SPATA6L: variants seen among roughly 807,000 people sequenced by gnomAD.
SPATA6L encodes the protein spermatogenesis associated 6-like protein.
A neutral mutation model predicts 49.2 loss-of-function variants in SPATA6L; 68 were observed. The ratio of observed to expected loss-of-function variants is 1.38; its 90% confidence interval spans 1.14 to 1.69. The LOEUF (loss-of-function observed/expected upper bound fraction) is 1.69. Ranked by LOEUF, SPATA6L falls within the 40% of genes most tolerant of loss-of-function variation. SPATA6L has a pLI of 0.00. For missense variants in SPATA6L, 668 were observed against 464.3 expected (o/e 1.44, Z -4.03); for synonymous variants, 198 against 165.7 (o/e 1.19, Z -1.50).
At chr9:4,650,524 A>C (rs1278717344) in intron 3 of SPATA6L, among the ~76,000 whole-genome samples, 5 of 152,322 alleles carry the variant, frequency 3.3e-5, no homozygotes, top group African/African-American at 1.2e-4. Flanking sequence ...AATACATCTA[A>C]AAGTTGGTTG....
chr9:4,605,825 G>C (rs575601246), intron 9 of SPATA6L, among the ~76,000 whole-genome samples: 15 of 152,304 alleles, frequency 9.8e-5, no homozygotes, highest in Admixed American at 2.0e-4. Context: ...GGCCGAATAG[G>C]AACAGCTCCG....
At chr9:4,642,794 T>C (rs950392961) in intron 3 of SPATA6L, among the ~76,000 whole-genome samples, 7 of 127,676 alleles carry the variant, frequency 5.5e-5, no homozygotes, top group Non-Finnish European at 9.4e-5. Flanking sequence ...TTGAAAACAT[T>C]GTTAAAAATA....
At chr9:4,596,833 G>T (rs1381248717), downstream of SPATA6L, among the ~76,000 whole-genome samples, 2 of 152,154 alleles carry the variant, frequency 1.3e-5, no homozygotes, top group Non-Finnish European at 2.9e-5. Context: ...AGAACCTGAG[G>T]TTTGGAAACA....
intron 9 of SPATA6L, among the ~76,000 whole-genome samples, chr9:4,607,916 C>T (rs1352497709): frequency 1.1e-4 from 16 of 151,526 alleles, no homozygotes; most frequent in Non-Finnish European, 2.1e-4. Flanking sequence ...CGTGCAGAGA[C>T]ACACATAGGC....
chr9:4,596,919 G>T (rs1822306333), downstream of SPATA6L, among the ~76,000 whole-genome samples: 1 of 152,100 alleles, frequency 6.6e-6, no homozygotes, highest in Non-Finnish European at 1.5e-5. Context: ...GAAATAGGGG[G>T]AGCAATGCTT....
chr9:4,635,377 G>C lies in SPATA6L; in HGVS notation c.249C>G (p.Tyr83Ter). Reference protein sequence around the residue: ...LLEMWDELAYYEENTRDFLFP... With the variant: ...LLEMWDELAY ...AAAGAAAATCTCGTGTGTTTTCTTCGTAGTAGGCCAACTCATCCCACACTA... is the reference window on the plus strand; with the variant it reads ...AAAGAAAATCTCGTGTGTTTTCTTCCTAGTAGGCCAACTCATCCCACACTA... Residue 83 changes from tyrosine to a stop codon, truncating the protein, a stop_gained, in exon 4 of 12, where the codon TAC (tyrosine) becomes TAG (stop). Coordinates refer to ENST00000682582, the MANE Select transcript of SPATA6L (RefSeq NM_001353486.2). LOFTEE classifies it high-confidence loss of function. 1.3e-6 allele frequency: 2 copies of C among 1,591,446 alleles called. No individual in the cohort carries two copies. The highest frequency in any genetic ancestry group is 1.7e-6 in the Non-Finnish European group (2 of 1,172,226).
chr9:4,622,614 G>T, intron 6 of SPATA6L, 104 bp from the exon 7 acceptor site: 1 of 774,604 alleles, frequency 1.3e-6, no homozygotes. Context: ...GATTACACGG[G>T]TTGGAAAAAG....
In SPATA6L at chr9:4,631,162, G is replaced by A. The variant is rs148623418; in HGVS notation, c.352-1994C>T. On this transcript the variant is annotated intron_variant, in intron 4 of 11. Coordinates refer to ENST00000682582, the MANE Select transcript of SPATA6L (RefSeq NM_001353486.2). Reference sequence around the variant, plus strand: ...AAGAATGTATTTTCTTTTTCATACCGTGCTGTTTTTAGCATAACATTATAC... The same window carrying A: ...AAGAATGTATTTTCTTTTTCATACCATGCTGTTTTTAGCATAACATTATAC... Among the ~76,000 whole-genome samples, 30 of 152,182 alleles carry A rather than the reference G, an allele frequency of 2.0e-4. No homozygotes were observed. The East Asian group carries it at 2.9e-3, about 15-fold the overall frequency.
chr9:4,596,749 C>G (rs553963082), downstream of SPATA6L, among the ~76,000 whole-genome samples: 8 of 152,126 alleles, frequency 5.3e-5, no homozygotes, highest in South Asian at 1.7e-3. Flanking sequence ...TTTTTCAAAC[C>G]CTTTAAGTTG....
chr9:4,602,077 G>A (rs1586927443), intron 11 of SPATA6L, among the ~76,000 whole-genome samples: 1 of 152,050 alleles, frequency 6.6e-6, no homozygotes, highest in Admixed American at 6.5e-5. Context: ...CTAAGCGTAT[G>A]CCAAACTACT....
intron 4 of SPATA6L, among the ~76,000 whole-genome samples, chr9:4,630,462 T>A (rs1259951013): frequency 2.6e-5 from 4 of 152,124 alleles, no homozygotes; most frequent in African/African-American, 9.7e-5. Flanking sequence ...CAGTGGCCCC[T>A]CTGCATCACC....
chr9:4,632,636 A>C (rs577754282), intron 4 of SPATA6L, among the ~76,000 whole-genome samples: 2 of 151,998 alleles, frequency 1.3e-5, no homozygotes, highest in Non-Finnish European at 2.9e-5. Context: ...CTTTCATCTT[A>C]AACACTTTTG....
At chr9:4,618,244 A>G in intron 8 of SPATA6L, 134 bp from the exon 9 acceptor site, 1 of 649,130 alleles carries the variant, frequency 1.5e-6, no homozygotes, top group Non-Finnish European at 2.5e-6. Flanking sequence ...TCTCCTGCAA[A>G]TAGAAGAGGA....
intron 9 of SPATA6L, among the ~76,000 whole-genome samples, chr9:4,606,467 C>T (rs1282159607): frequency 4.4e-5 from 2 of 45,828 alleles, no homozygotes; most frequent in African/African-American, 1.7e-4. Context: ...GGGCAGACTG[C>T]GTCCTCAAGT....
chr9:4,664,643 C>T (rs1221391252), intron 1 of SPATA6L: 1 of 167,048 alleles, frequency 6.0e-6, no homozygotes, highest in Admixed American at 6.5e-5. Context: ...TTTAAATTAC[C>T]TATGGAAGTG....
At chr9:4,650,804 C>T (rs1477310760) in intron 3 of SPATA6L, among the ~76,000 whole-genome samples, 2 of 151,176 alleles carry the variant, frequency 1.3e-5, no homozygotes, top group East Asian at 3.9e-4. Context: ...GGATTACAGG[C>T]AAGCACCACC....
In SPATA6L at chr9:4,662,602, C is replaced by A; in HGVS notation, c.40-566G>T. Reference sequence around the variant, plus strand: ...CGCGGCTCCTTCCCCCTGGCCGCGGCGGGCCCCTCGCAGTCGCCCGCGCCT... The same window carrying A: ...CGCGGCTCCTTCCCCCTGGCCGCGGAGGGCCCCTCGCAGTCGCCCGCGCCT... On this transcript the variant is annotated intron_variant, in intron 1 of 11. Transcript: ENST00000682582. This position sits in a 1 kb window ranked among gnomAD's most constrained non-coding sequence, Gnocchi z 4.9. 1 of 1,590,520 alleles carries A rather than the reference C, an allele frequency of 6.3e-7. No individual in the cohort carries two copies. The highest frequency in any genetic ancestry group is 2.3e-5 in the East Asian group (1 of 44,334).
chr9:4,647,835 G>GTTT (rs35475971), intron 3 of SPATA6L, among the ~76,000 whole-genome samples: 42 of 78,046 alleles, frequency 5.4e-4, no homozygotes, highest in African/African-American at 4.7e-3. Context: ...AAACATTTTA[G>GTTT]TTTTTTTTTT....
At chr9:4,658,405 G>C (rs1029412163) in intron 2 of SPATA6L, among the ~76,000 whole-genome samples, 1 of 152,190 alleles carries the variant, frequency 6.6e-6, no homozygotes, top group Non-Finnish European at 1.5e-5. Context: ...AGTAGTTGCA[G>C]CTAGAGAAGG....
Sources: gnomAD v4.1 joint callset for allele counts (sites outside exome capture counted in the v4.1 genomes callset) on GRCh38, gnomAD v4.1.1 for gene constraint, Gnocchi (gnomAD v3.1) non-coding constraint, MANE v1.5 for transcripts, NCBI Gene and HGNC (gene_info 2026-07-23, HGNC 2026-07-21) for gene names.